Variants in MGMT observed in about 807,000 individuals in gnomAD.
The protein encoded by MGMT is O-6-methylguanine-DNA methyltransferase.
Under a neutral mutation model 15.9 loss-of-function variants are expected in MGMT, and 14 were observed. The ratio of observed to expected loss-of-function variants is 0.88; its 90% CI spans 0.58 to 1.37. The LOEUF (loss-of-function observed/expected upper bound fraction) is 1.37. Among genes scored for constraint, MGMT ranks in the 40% most tolerant of loss-of-function variants. MGMT has a pLI of 0.00. For missense variants in MGMT, 282 were observed against 268.1 expected (o/e 1.05, Z -0.36); for synonymous variants, 130 against 118.2 (o/e 1.10, Z -0.65).
At chr10:129,564,643 TTCC>T in intron 2 of MGMT, among the ~76,000 whole-genome samples, 1 of 68,906 alleles carries the variant, frequency 1.5e-5, no homozygotes, top group Non-Finnish European at 2.9e-5. Flanking sequence ...CCTCCTCTGC[TTCC>T]TCACCCTCCT....
At chr10:129,498,729 G>A (rs894862884) in intron 1 of MGMT, among the ~76,000 whole-genome samples, 1 of 152,074 alleles carries the variant, frequency 6.6e-6, no homozygotes, top group Non-Finnish European at 1.5e-5. Flanking sequence ...TGTATCTTGT[G>A]TTTTCCCTGC....
Position 129,488,004 on chromosome 10 carries a change from TACACAC to T in MGMT, c.-13+20740_-13+20745del, listed in dbSNP as rs373298935. 6.3e-3 allele frequency among the ~76,000 whole-genome samples: 769 copies of T among 121,490 alleles called. 14 individuals carry two copies. The highest frequency in any genetic ancestry group is 0.024 in the African/African-American group (655 of 27,422). The allele number at this position is 121,490 out of a possible 152,430, so 79.7% of individuals were successfully genotyped here. ...ATACACACACACACACACATAGGTA[TACACAC>T]ACACACACACACACACACACACACA... On this transcript the variant is annotated intron_variant, in intron 1 of 4. Coordinates refer to ENST00000651593, the MANE Select transcript of MGMT (RefSeq NM_002412.5).
intron 1 of MGMT, among the ~76,000 whole-genome samples, chr10:129,472,115 C>T (rs1172478325): frequency 2.6e-5 from 4 of 152,136 alleles, no homozygotes; most frequent in Admixed American, 6.5e-5. Flanking sequence ...CCCTCTGGGT[C>T]AAGGCATTTT....
At chr10:129,594,162 A>T (rs908275910) in intron 2 of MGMT, among the ~76,000 whole-genome samples, 2 of 152,204 alleles carry the variant, frequency 1.3e-5, no homozygotes, top group Non-Finnish European at 2.9e-5. Flanking sequence ...TGGCTGATGC[A>T]TGAGGCTAGA....
rs576674026 is a variant in MGMT, at chr10:129,536,205, C to G, written c.-12-36C>G. On this transcript the variant is annotated intron_variant, in intron 1 of 4. Transcript: ENST00000651593. ...TGTTTTATATACGACCAGCCTCTTA[C>G]CTATACACTTTGTCTTAAAAATTAT... The G allele has an allele frequency of 4.1e-4, 661 of 1,611,766 alleles. 9 individuals are homozygous for G. In the South Asian group the frequency reaches 6.9e-3, roughly 17 times the overall value.
At chr10:129,583,209 TAA>T (rs1347599464) in intron 2 of MGMT, among the ~76,000 whole-genome samples, 5 of 152,218 alleles carry the variant, frequency 3.3e-5, no homozygotes, top group Non-Finnish European at 7.3e-5. Flanking sequence ...CTTGTAGTAA[TAA>T]GTTAAATTAA....
chr10:129,468,373 CAG>C (rs1184124992), intron 1 of MGMT, among the ~76,000 whole-genome samples: 2 of 152,078 alleles, frequency 1.3e-5, no homozygotes, highest in African/African-American at 4.8e-5. Flanking sequence ...CACGTTAACT[CAG>C]AGGGCCAGGA....
At chr10:129,737,919 C>G (rs955913843) in intron 3 of MGMT, among the ~76,000 whole-genome samples, 16 of 152,222 alleles carry the variant, frequency 1.1e-4, no homozygotes, top group Admixed American at 2.6e-4. Context: ...GTTCTCAGAT[C>G]TGTAGCTGCG....
chr10:129,510,280 A>G (rs1369848127), intron 1 of MGMT, among the ~76,000 whole-genome samples: 1 of 152,226 alleles, frequency 6.6e-6, no homozygotes, highest in Non-Finnish European at 1.5e-5. Flanking sequence ...GAAGTTACAT[A>G]CCTTGGGGAA....
intron 2 of MGMT, among the ~76,000 whole-genome samples, chr10:129,611,827 G>T (rs915231949): frequency 2.0e-5 from 3 of 152,208 alleles, no homozygotes; most frequent in African/African-American, 7.2e-5. Flanking sequence ...TAGAGCTGGG[G>T]TGTGATGCAC....
chr10:129,507,210 G>C (rs1216744761), intron 1 of MGMT, among the ~76,000 whole-genome samples: 1 of 152,238 alleles, frequency 6.6e-6, no homozygotes, highest in Non-Finnish European at 1.5e-5. Context: ...GTTGGAGCCA[G>C]CCTCTCCAGG....
intron 2 of MGMT, among the ~76,000 whole-genome samples, chr10:129,539,348 A>G (rs955574194): frequency 6.6e-6 from 1 of 151,998 alleles, no homozygotes; most frequent in African/African-American, 2.4e-5. Flanking sequence ...CATTTGTTGG[A>G]AAATAAAAAT....
At chr10:129,508,611 T>C (rs1477840571) in intron 1 of MGMT, among the ~76,000 whole-genome samples, 1 of 151,762 alleles carries the variant, frequency 6.6e-6, no homozygotes, top group Admixed American at 6.6e-5. Context: ...AGTGGTGCGA[T>C]CTTGGCTCAC....
chr10:129,696,213 A>T (rs1848030552), intron 2 of MGMT, among the ~76,000 whole-genome samples: 1 of 152,220 alleles, frequency 6.6e-6, no homozygotes, highest in African/African-American at 2.4e-5. Flanking sequence ...GGGCTGCTGG[A>T]ACTCAACAGA....
At chr10:129,490,785 GCTTT>G (rs1266728499) in intron 1 of MGMT, among the ~76,000 whole-genome samples, 1 of 151,788 alleles carries the variant, frequency 6.6e-6, no homozygotes, top group East Asian at 1.9e-4. Flanking sequence ...AATTTATTTT[GCTTT>G]CTTTATGATT....
chr10:129,482,447 C>G (rs543982782), intron 1 of MGMT, among the ~76,000 whole-genome samples: 2 of 152,158 alleles, frequency 1.3e-5, no homozygotes, highest in South Asian at 4.1e-4. Flanking sequence ...CTCTTCAAGC[C>G]TTCTATATCC....
At position 129,536,366 on chromosome 10, in the gene MGMT, G is replaced by T. The variant is rs751269604; in HGVS notation, c.114G>T (p.Thr38=). The T allele has an allele frequency of 6.2e-7, 1 of 1,613,068 alleles. No homozygotes were observed. Among genetic ancestry groups the T allele is most frequent in the South Asian group, 1.1e-5 (1 of 90,920 alleles). The change falls in exon 2 of 5, where the codon ACG becomes ACT. Residue 38 remains threonine (T), a synonymous_variant. Coordinates refer to ENST00000651593, the MANE Select transcript of MGMT (RefSeq NM_002412.5). ...LHEIKLLGKG[T]SAADAVEVPA... is the part of the protein sequence containing the mutation. ...AAATAAAGCTCCTGGGCAAGGGGAC[G>T]TCTGCAGCTGAGTAAGTATGAGCCC... is the stretch of plus-strand genomic sequence containing the variant.
At chr10:129,734,777 T>G (rs1848541476) in intron 3 of MGMT, among the ~76,000 whole-genome samples, 1 of 152,162 alleles carries the variant, frequency 6.6e-6, no homozygotes, top group Non-Finnish European at 1.5e-5. Flanking sequence ...TGAAGGGTTG[T>G]TGAATTTTGT....
intron 3 of MGMT, among the ~76,000 whole-genome samples, chr10:129,726,335 C>T (rs1278732367): frequency 6.6e-6 from 1 of 152,118 alleles, no homozygotes; most frequent in Admixed American, 6.5e-5. Context: ...TGGCACAGGG[C>T]CACGTGCAGG....
Sources: gnomAD v4.1 joint callset for allele counts (sites outside exome capture counted in the v4.1 genomes callset) on GRCh38, gnomAD v4.1.1 for gene constraint, MANE v1.5 for transcripts, NCBI Gene and HGNC (gene_info 2026-07-23, HGNC 2026-07-21) for gene names.